SMIM43: variants seen among roughly 807,000 people sequenced by gnomAD.
The protein encoded by SMIM43 is Nodal Enhanced MEsendoderm Peptide.
rs1210235785 is a variant in SMIM43, at chr4:121,763,788, C to T, written c.*182G>A. The T allele has an allele frequency of 1.3e-5, 2 of 152,228 alleles. No homozygotes were observed. The highest frequency in any genetic ancestry group is 2.9e-5 in the Non-Finnish European group (2 of 68,072). The allele number at this position is 152,228 out of a possible 1,614,324, so 9.4% of individuals were successfully genotyped here. On this transcript the variant is annotated 3_prime_UTR_variant, in exon 2 of 6. Transcript: ENST00000643802. Reference sequence around the variant, plus strand: ...CCATTTGCAGAAAGCTTCCATCTCCCGTTGTTCCAGCCTTCTTTTTGCAGG... The same window carrying T: ...CCATTTGCAGAAAGCTTCCATCTCCTGTTGTTCCAGCCTTCTTTTTGCAGG...
intron 1 of SMIM43, chr4:121,764,146 C>G (rs574038989): frequency 7.9e-5 from 12 of 152,512 alleles, no homozygotes; most frequent in Admixed American, 2.0e-4. Flanking sequence ...AACCCTAAGG[C>G]ATCTTCCAAA....
chr4:121,765,406 G>C (rs560902514), upstream of SMIM43: 1 of 232,450 alleles, frequency 4.3e-6, no homozygotes. Context: ...CCGCGGGCAC[G>C]GACGCCAGAA....
intron 5 of SMIM43, among the ~76,000 whole-genome samples, chr4:121,761,286 A>G (rs978401400): frequency 2.0e-5 from 3 of 152,238 alleles, no homozygotes; most frequent in African/African-American, 7.2e-5. Flanking sequence ...AATTAAAAAC[A>G]AAGTACAGCA....
intron 1 of SMIM43, 47 bp downstream of exon 1, chr4:121,764,770 T>G (rs1425125652): frequency 5.1e-6 from 2 of 394,424 alleles, no homozygotes; most frequent in Non-Finnish European, 8.9e-6. Flanking sequence ...CGCGGGTCCC[T>G]GCGCCTCACG....
In SMIM43 at chr4:121,759,746, AG is replaced by A; in HGVS notation, c.*1227del. 6.6e-6 allele frequency: 1 copy of A among 152,362 alleles called. No individual in the cohort carries two copies. Among genetic ancestry groups the A allele is most frequent in the East Asian group, 1.9e-4 (1 of 5,186 alleles). 9.4% of individuals were successfully genotyped at this position (152,362 alleles called of 1,614,324 possible). On this transcript the variant is annotated 3_prime_UTR_variant, in exon 6 of 6. Coordinates refer to ENST00000643802, the MANE Select transcript of SMIM43 (RefSeq NM_001384332.1). Reference sequence around the variant, plus strand: ...GGTGGTGGAGTCACAGAAAGGAGTAAGGTAGCCTTTCTTTGCGTAGATTCCC... The same window carrying A: ...GGTGGTGGAGTCACAGAAAGGAGTAAGTAGCCTTTCTTTGCGTAGATTCCC...
chr4:121,765,173 C>G (rs967957673), upstream of SMIM43: 2 of 391,020 alleles, frequency 5.1e-6, no homozygotes, highest in Admixed American at 8.9e-5. Context: ...GCGAGCGCGC[C>G]GCCCGCACAC....
Position 121,764,904 on chromosome 4 carries a change from C to T in SMIM43, c.*10G>A. ...AGCTCGGTGCCCTCCCGCCAGTGCCCGCACTCGGGTCACACCGCTTGCTCT... is the reference window on the plus strand; with the variant it reads ...AGCTCGGTGCCCTCCCGCCAGTGCCTGCACTCGGGTCACACCGCTTGCTCT... On this transcript the variant is annotated 3_prime_UTR_variant, in exon 1 of 6. Transcript: ENST00000643802. 2.5e-6 allele frequency: 1 copy of T among 398,308 alleles called. No individual in the cohort carries two copies. The highest frequency in any genetic ancestry group is 4.4e-6 in the Non-Finnish European group (1 of 225,578). The allele number at this position is 398,308 out of a possible 1,614,324, so 24.7% of individuals were successfully genotyped here. A position where few individuals can be genotyped will look rare whatever the true frequency, so the allele number is the denominator to read the frequency against.
In SMIM43 at chr4:121,763,760, T is replaced by C. The variant is rs1206688403; in HGVS notation, c.*206+4A>G. 2 of 152,208 alleles carry C rather than the reference T, an allele frequency of 1.3e-5. No homozygotes were observed. Among genetic ancestry groups the C allele is most frequent in the African/African-American group, 2.4e-5 (1 of 41,430 alleles). 9.4% of individuals were successfully genotyped at this position (152,208 alleles called of 1,614,324 possible). Reference sequence around the variant, plus strand: ...ACGTGAAACCATGCGTCATCCCAACTTACCATTTGCAGAAAGCTTCCATCT... The same window carrying C: ...ACGTGAAACCATGCGTCATCCCAACCTACCATTTGCAGAAAGCTTCCATCT... On this transcript the variant is annotated splice_donor_region_variant and intron_variant, in intron 2 of 5. Coordinates refer to ENST00000643802, the MANE Select transcript of SMIM43 (RefSeq NM_001384332.1).
chr4:121,761,684 T>C lies in SMIM43; in HGVS notation c.*353A>G, dbSNP rs1726076305. 1 of 1,611,994 alleles carries C rather than the reference T, an allele frequency of 6.2e-7. No homozygotes were observed. The highest frequency in any genetic ancestry group is 1.1e-5 in the South Asian group (1 of 90,136). On this transcript the variant is annotated 3_prime_UTR_variant, in exon 5 of 6. Transcript: ENST00000643802. ...CACCAGATGGCATCAGTTCTGCATC[T>C]ACAGCTGTGCCCTAAAATTGAAGTT...
intron 3 of SMIM43, among the ~76,000 whole-genome samples, chr4:121,762,186 G>T (rs1044178094): frequency 1.3e-5 from 2 of 152,160 alleles, no homozygotes; most frequent in Non-Finnish European, 2.9e-5. Context: ...GTGATTGTCA[G>T]AACAGGGGAT....
intron 5 of SMIM43, among the ~76,000 whole-genome samples, chr4:121,760,907 G>GT (rs200295470): frequency 0.01 from 1,567 of 152,136 alleles, 15 homozygotes; most frequent in Non-Finnish European, 0.015. Context: ...AAAAAACAAG[G>GT]TTTTTTTAAC....
At position 121,760,318 on chromosome 4, in the gene SMIM43, AGCCAATGACACAGTTCTG is replaced by A. The variant is rs1291790578; in HGVS notation, c.*638_*655del. 6.2e-7 allele frequency: 1 copy of A among 1,611,454 alleles called. No homozygotes were observed. The highest frequency in any genetic ancestry group is 2.2e-5 in the East Asian group (1 of 44,818). ...CTCAGACAATCTTGCAGATAGCAGT[AGCCAATGACACAGTTCTG>A]GCCAATGAGATGAAGGCAAAAGTTA... On this transcript the variant is annotated 3_prime_UTR_variant, in exon 6 of 6. Transcript: ENST00000643802.
chr4:121,762,388 A>C (rs1281493514), intron 3 of SMIM43, among the ~76,000 whole-genome samples: 1 of 152,190 alleles, frequency 6.6e-6, no homozygotes, highest in Non-Finnish European at 1.5e-5. Flanking sequence ...AAACAGCAAA[A>C]GACAGCTCAT....
Position 121,760,068 on chromosome 4 carries a change from T to A in SMIM43, c.*906A>T, listed in dbSNP as rs1725969212. ...GAGAACACCTGACATGCCTTCACTC[T>A]GCTCACTCTGTCAGAGGGGAGCAGT... On this transcript the variant is annotated 3_prime_UTR_variant, in exon 6 of 6. Coordinates refer to ENST00000643802, the MANE Select transcript of SMIM43 (RefSeq NM_001384332.1). 2.1e-6 allele frequency: 1 copy of A among 476,518 alleles called. No individual in the cohort carries two copies. The highest frequency in any genetic ancestry group is 3.4e-6 in the Non-Finnish European group (1 of 294,516). The allele number at this position is 476,518 out of a possible 1,614,324, so 29.5% of individuals were successfully genotyped here.
At position 121,760,315 on chromosome 4, in the gene SMIM43, A is replaced by G. The variant is rs1360527271; in HGVS notation, c.*659T>C. On this transcript the variant is annotated 3_prime_UTR_variant, in exon 6 of 6. Coordinates refer to ENST00000643802, the MANE Select transcript of SMIM43 (RefSeq NM_001384332.1). The stretch of plus-strand genomic sequence containing the variant: ...TTTCTCAGACAATCTTGCAGATAGC[A>G]GTAGCCAATGACACAGTTCTGGCCA... 1 of 1,611,266 alleles carries G rather than the reference A, an allele frequency of 6.2e-7. No individual in the cohort carries two copies. The highest frequency in any genetic ancestry group is 8.5e-7 in the Non-Finnish European group (1 of 1,179,334).
chr4:121,765,200 C>G (rs768345677), upstream of SMIM43: 1 of 386,332 alleles, frequency 2.6e-6, no homozygotes, highest in African/African-American at 2.1e-5. Flanking sequence ...CCCGCACTCC[C>G]GCCCCTCGCG....
intron 2 of SMIM43, among the ~76,000 whole-genome samples, 184 bp from the exon 3 acceptor site, chr4:121,762,982 G>A (rs1226023494): frequency 1.3e-5 from 2 of 152,146 alleles, no homozygotes; most frequent in East Asian, 3.9e-4. Flanking sequence ...TTAACTAAAT[G>A]CCACTGCAGA....
chr4:121,765,361 T>C (rs139769392), upstream of SMIM43: 222 of 298,308 alleles, frequency 7.4e-4, 2 homozygotes, highest in Non-Finnish European at 6.5e-4. Flanking sequence ...TCAGGTGCTC[T>C]TGAGGACGCG....
chr4:121,761,904 A>G lies in SMIM43; in HGVS notation c.*279-12T>C, dbSNP rs1578477669. 1 of 1,589,392 alleles carries G rather than the reference A, an allele frequency of 6.3e-7. No homozygotes were observed. The highest frequency in any genetic ancestry group is 8.6e-7 in the Non-Finnish European group (1 of 1,164,274). ...GCCATTTTGAACACCTGAAATTTAG[A>G]AACAATGATGAAATAATAACATTTG... On this transcript the variant is annotated splice_polypyrimidine_tract_variant and intron_variant, in intron 3 of 5. Transcript: ENST00000643802.
Sources: gnomAD v4.1 joint callset for allele counts (sites outside exome capture counted in the v4.1 genomes callset) on GRCh38, gnomAD v4.1.1 for gene constraint, MANE v1.5 for transcripts, NCBI Gene and HGNC (gene_info 2026-07-23, HGNC 2026-07-21) for gene names.